C12orf56: variants seen among roughly 807,000 people sequenced by gnomAD.
C12orf56 encodes chromosome 12 open reading frame 56.
C12orf56 carries 71 observed loss-of-function variants against 69.9 expected under a neutral mutation model. The ratio of observed to expected loss-of-function variants is 1.02; its 90% CI spans 0.84 to 1.24. The LOEUF (loss-of-function observed/expected upper bound fraction) is 1.24, where lower values mean the gene tolerates loss of function less well. Ranked by LOEUF, C12orf56 falls within the 50% of genes most tolerant of loss-of-function variation. The pLI is 0.00. For missense variants in C12orf56, 732 were observed against 738.5 expected, an observed-to-expected ratio of 0.99 and a Z score of 0.10; for synonymous variants, 276 against 274.1, an observed-to-expected ratio of 1.01 and a Z score of -0.07.
intron 12 of C12orf56, among the ~76,000 whole-genome samples, chr12:64,269,261 C>T (rs540732739): frequency 7.9e-5 from 12 of 152,164 alleles, no homozygotes; most frequent in Non-Finnish European, 1.3e-4. Flanking sequence ...AAGCTGTGTC[C>T]GCTGTACCCT....
At chr12:64,390,239 AGGGCTGGGTTTGG>A in intron 1 of C12orf56, 62 bp downstream of exon 1, 1 of 1,485,938 alleles carries the variant, frequency 6.7e-7, no homozygotes, top group Non-Finnish European at 8.9e-7. Flanking sequence ...CCCGCGCAGG[AGGGCTGGGTTTGG>A]GGGCCCCAGC....
intron 1 of C12orf56, among the ~76,000 whole-genome samples, chr12:64,359,079 A>T (rs1301155394): frequency 1.3e-5 from 2 of 152,196 alleles, no homozygotes; most frequent in Non-Finnish European, 2.9e-5. Flanking sequence ...GCAGGTCATA[A>T]AATCTAGGAA....
At chr12:64,373,291 C>CA (rs902506155) in intron 1 of C12orf56, among the ~76,000 whole-genome samples, 1 of 151,964 alleles carries the variant, frequency 6.6e-6, no homozygotes, top group Non-Finnish European at 1.5e-5. Context: ...CCTGTCTCTA[C>CA]AAAAAATATG....
At chr12:64,298,861 C>T (rs1334338505) in intron 6 of C12orf56, among the ~76,000 whole-genome samples, 9 of 152,234 alleles carry the variant, frequency 5.9e-5, no homozygotes, top group African/African-American at 1.7e-4. Flanking sequence ...CTTGGCTATG[C>T]GGGCTCTTTT....
rs557085908 is a variant in C12orf56, at chr12:64,381,053, A to G, written c.252+9261T>C. Among the ~76,000 whole-genome samples, 24 of 152,330 alleles carry G rather than the reference A, an allele frequency of 1.6e-4. 1 individual carries two copies. In the South Asian group the frequency reaches 5.0e-3, roughly 32 times the overall value. On this transcript the variant is annotated intron_variant, in intron 1 of 12. Transcript: ENST00000543942. ...GAGTAATTCATGCAGGGCCAGCTGT[A>G]TGGGAGACTAGAGTTTTATTATTAC... is the stretch of plus-strand genomic sequence containing the variant.
At chr12:64,298,515 T>A (rs537105016) in intron 6 of C12orf56, among the ~76,000 whole-genome samples, 1 of 152,354 alleles carries the variant, frequency 6.6e-6, no homozygotes, top group East Asian at 1.9e-4. Context: ...TGGTTTTAGG[T>A]CTTATGTTTA....
chr12:64,272,852 G>T (rs2038007368), intron 11 of C12orf56, among the ~76,000 whole-genome samples: 1 of 152,188 alleles, frequency 6.6e-6, no homozygotes, highest in South Asian at 2.1e-4. Context: ...CTGTTCTACT[G>T]ACAAATGTAC....
chr12:64,386,189 CCT>C (rs1291736009), intron 1 of C12orf56, among the ~76,000 whole-genome samples: 1 of 151,858 alleles, frequency 6.6e-6, no homozygotes, highest in Non-Finnish European at 1.5e-5. Context: ...TTCTTCTGCC[CCT>C]CTCTTCCACC....
At chr12:64,380,104 C>CAAAAAAAAAAAAAAAAAAAAAAAAA (rs60079906) in intron 1 of C12orf56, among the ~76,000 whole-genome samples, 1 of 49,996 alleles carries the variant, frequency 2.0e-5, no homozygotes, top group Admixed American at 3.4e-4. Context: ...GACTCCGTCG[C>CAAAAAAAAAAAAAAAAAAAAAAAAA]AAAAAAAAAA....
intron 5 of C12orf56, among the ~76,000 whole-genome samples, chr12:64,312,318 C>A (rs1053891906): frequency 6.6e-6 from 1 of 151,990 alleles, no homozygotes; most frequent in Non-Finnish European, 1.5e-5. Context: ...TTAGGGGAGG[C>A]AAAGAGGGCC....
chr12:64,310,285 G>T (rs2038590201), intron 5 of C12orf56, among the ~76,000 whole-genome samples: 1 of 152,094 alleles, frequency 6.6e-6, no homozygotes, highest in Admixed American at 6.5e-5. Flanking sequence ...GGGATTACAG[G>T]CATGAGCCAC....
At chr12:64,279,575 G>T (rs1236825674) in intron 8 of C12orf56, among the ~76,000 whole-genome samples, 1 of 152,122 alleles carries the variant, frequency 6.6e-6, no homozygotes, top group Non-Finnish European at 1.5e-5. Context: ...TGTTTAGTAG[G>T]ATCTGAGGCT....
At chr12:64,271,509 A>G (rs2037990433) in intron 11 of C12orf56, among the ~76,000 whole-genome samples, 1 of 152,214 alleles carries the variant, frequency 6.6e-6, no homozygotes, top group Non-Finnish European at 1.5e-5. Context: ...AAAAGCAGAA[A>G]AGAACACTAG....
At chr12:64,308,032 T>C (rs2878282) in intron 5 of C12orf56, among the ~76,000 whole-genome samples, 4,806 of 151,708 alleles carry the variant, frequency 0.032, 254 homozygotes, top group African/African-American at 0.11. Context: ...AAATAAAATA[T>C]AAACGGCTGG....
At chr12:64,316,433 GC>G (rs1555189060) in intron 4 of C12orf56, among the ~76,000 whole-genome samples, 1 of 152,028 alleles carries the variant, frequency 6.6e-6, no homozygotes, top group Non-Finnish European at 1.5e-5. Context: ...CTTGCTTATT[GC>G]CCAGGATGGA....
chr12:64,302,552 G>A (rs1439396505), intron 6 of C12orf56, among the ~76,000 whole-genome samples: 1 of 152,062 alleles, frequency 6.6e-6, no homozygotes, highest in Non-Finnish European at 1.5e-5. Flanking sequence ...CTACTTATGT[G>A]ACCAATGCCA....
At chr12:64,306,506 C>G (rs1380153119) in intron 5 of C12orf56, among the ~76,000 whole-genome samples, 1 of 150,814 alleles carries the variant, frequency 6.6e-6, no homozygotes, top group Non-Finnish European at 1.5e-5. Flanking sequence ...GTAGCTGGGA[C>G]TACAAGTGCG....
intron 6 of C12orf56, among the ~76,000 whole-genome samples, chr12:64,293,626 AATAAGTATCACTGTT>A (rs1222188466): frequency 6.6e-6 from 1 of 152,252 alleles, no homozygotes; most frequent in Non-Finnish European, 1.5e-5. Context: ...ACAAGTGTCT[AATAAGTATCACTGTT>A]ATTATGACCT....
intron 1 of C12orf56, among the ~76,000 whole-genome samples, chr12:64,385,506 C>T (rs1014119113): frequency 1.3e-5 from 2 of 152,162 alleles, no homozygotes; most frequent in Non-Finnish European, 2.9e-5. Flanking sequence ...GGCTCAGAGG[C>T]ATAAAGGACT....
Sources: allele counts gnomAD v4.1 joint callset (sites outside exome capture counted in the v4.1 genomes callset), GRCh38; gene constraint gnomAD v4.1.1; transcripts MANE v1.5; gene names NCBI Gene and HGNC (gene_info 2026-07-23, HGNC 2026-07-21).